Variants in COX7B2 observed in about 807,000 individuals in gnomAD.
The protein encoded by COX7B2 is cytochrome c oxidase subunit 7B2.
For synonymous variants in COX7B2, 37 were observed against 32.1 expected (o/e 1.15, Z -0.51); for missense variants, 109 against 95.9 (o/e 1.14, Z -0.57).
At chr4:46,759,819 T>TATAAGTCATATCTTATATAAGTTAC (rs1716028213) in intron 2 of COX7B2, among the ~76,000 whole-genome samples, 1 of 75,106 alleles carries the variant, frequency 1.3e-5, no homozygotes, top group African/African-American at 4.3e-5. Context: ...ATATAAGTTA[T>TATAAGTCATATCTTATATAAGTTAC]ATAAGTCATA....
At chr4:46,754,087 A>T (rs1715591464) in intron 2 of COX7B2, among the ~76,000 whole-genome samples, 1 of 152,128 alleles carries the variant, frequency 6.6e-6, no homozygotes, top group African/African-American at 2.4e-5. Context: ...GGATGTGGAG[A>T]AATAGGAACA....
At chr4:46,906,622 A>T (rs569696044) in intron 1 of COX7B2, among the ~76,000 whole-genome samples, 1 of 152,208 alleles carries the variant, frequency 6.6e-6, no homozygotes, top group African/African-American at 2.4e-5. Context: ...TTTTCTAAGC[A>T]TTAGTTTTTT....
chr4:46,871,462 T>C (rs1275400729), intron 1 of COX7B2, among the ~76,000 whole-genome samples: 5 of 152,160 alleles, frequency 3.3e-5, no homozygotes, highest in African/African-American at 1.2e-4. Context: ...CCAAAAGCTA[T>C]TGCCACAAAA....
At chr4:46,844,718 T>C (rs1054494873) in intron 2 of COX7B2, among the ~76,000 whole-genome samples, 1 of 152,070 alleles carries the variant, frequency 6.6e-6, no homozygotes, top group African/African-American at 2.4e-5. Flanking sequence ...AAGTAAAACA[T>C]TTACTGCTGA....
At chr4:46,806,695 G>C (rs1719016810) in intron 2 of COX7B2, among the ~76,000 whole-genome samples, 1 of 151,894 alleles carries the variant, frequency 6.6e-6, no homozygotes, top group South Asian at 2.1e-4. Flanking sequence ...TCCCACATTT[G>C]CTTCCACCTC....
intron 2 of COX7B2, among the ~76,000 whole-genome samples, chr4:46,756,487 G>T (rs1715808686): frequency 6.6e-6 from 1 of 151,922 alleles, no homozygotes; most frequent in East Asian, 1.9e-4. Context: ...TACAGCAAAA[G>T]AAACAAATAA....
Position 46,801,895 on chromosome 4 carries a change from GA to G in COX7B2, c.-50+43064del, listed in dbSNP as rs1291555174. On this transcript the variant is annotated intron_variant, in intron 2 of 2. Coordinates refer to ENST00000355591, the MANE Select transcript of COX7B2 (RefSeq NM_130902.3). The stretch of plus-strand genomic sequence containing the variant: ...TGAATTAAAATGGTAATAGTGGGGG[GA>G]AAAAAGAAGTTCTGAATGTATCCCT... 3.9e-5 allele frequency among the ~76,000 whole-genome samples: 6 copies of G among 152,114 alleles called. No homozygotes were observed. In the South Asian group the frequency reaches 6.2e-4, roughly 16 times the overall value.
intron 2 of COX7B2, among the ~76,000 whole-genome samples, chr4:46,807,343 T>A (rs1361997745): frequency 6.6e-6 from 1 of 151,962 alleles, no homozygotes; most frequent in Non-Finnish European, 1.5e-5. Context: ...CTTCTGACCA[T>A]GATTTAATTG....
chr4:46,789,956 T>C (rs918703250), intron 2 of COX7B2, among the ~76,000 whole-genome samples: 11 of 151,940 alleles, frequency 7.2e-5, no homozygotes, highest in African/African-American at 2.4e-5. Flanking sequence ...TGTGACTTAG[T>C]AACTGAAGGA....
intron 1 of COX7B2, among the ~76,000 whole-genome samples, chr4:46,876,294 G>A (rs965505511): frequency 6.6e-6 from 1 of 151,922 alleles, no homozygotes; most frequent in Non-Finnish European, 1.5e-5. Flanking sequence ...TAAAACTGTA[G>A]GTTAAATATA....
In COX7B2 at chr4:46,743,020, T is replaced by C. The variant is rs1714807590; in HGVS notation, c.-49-7779A>G. On this transcript the variant is annotated intron_variant, in intron 2 of 2. Coordinates refer to ENST00000355591, the MANE Select transcript of COX7B2 (RefSeq NM_130902.3). The stretch of plus-strand genomic sequence containing the variant: ...TCTTTAATCATAAGGTCCTTCCAAC[T>C]ATACTCACTCTTTTTCCTTTCTGAT... Among the ~76,000 whole-genome samples the C allele has an allele frequency of 1.3e-5, 2 of 152,184 alleles. 1 individual carries two copies. Among genetic ancestry groups the C allele is most frequent in the South Asian group, 4.1e-4 (2 of 4,828 alleles).
chr4:46,778,495 C>T (rs1048485687), intron 2 of COX7B2, among the ~76,000 whole-genome samples: 14 of 151,966 alleles, frequency 9.2e-5, no homozygotes, highest in East Asian at 1.9e-4. Flanking sequence ...ACCAGTCAAC[C>T]AAGATGTTCA....
intron 2 of COX7B2, among the ~76,000 whole-genome samples, chr4:46,823,704 AT>A (rs1714466450): frequency 6.6e-6 from 1 of 151,970 alleles, no homozygotes; most frequent in African/African-American, 2.4e-5. Flanking sequence ...ATTGAAAAAA[AT>A]GGTAGCAAAC....
chr4:46,762,165 C>A (rs1472961575), intron 2 of COX7B2, among the ~76,000 whole-genome samples: 2 of 81,104 alleles, frequency 2.5e-5, no homozygotes, highest in Admixed American at 3.1e-4. Flanking sequence ...CTATTGTAGT[C>A]TAAACAGAAA....
At chr4:46,798,585 A>G (rs948174342) in intron 2 of COX7B2, among the ~76,000 whole-genome samples, 4 of 152,192 alleles carry the variant, frequency 2.6e-5, no homozygotes, top group Non-Finnish European at 5.9e-5. Context: ...CCCTGCCATG[A>G]TCTGCAGAAA....
intron 2 of COX7B2, among the ~76,000 whole-genome samples, chr4:46,800,297 G>A (rs1399497620): frequency 6.6e-6 from 1 of 152,096 alleles, no homozygotes. Flanking sequence ...CCAAAAATGA[G>A]TCAGAACAGC....
chr4:46,832,424 G>A (rs1459651999), intron 2 of COX7B2, among the ~76,000 whole-genome samples: 1 of 152,072 alleles, frequency 6.6e-6, no homozygotes, highest in African/African-American at 2.4e-5. Flanking sequence ...AGACACAAAA[G>A]CACACATAAT....
At chr4:46,814,921 C>G (rs911372003) in intron 2 of COX7B2, among the ~76,000 whole-genome samples, 1 of 152,076 alleles carries the variant, frequency 6.6e-6, no homozygotes, top group African/African-American at 2.4e-5. Context: ...CACGTTGGCT[C>G]ATGCCTGTAA....
chr4:46,858,699 CGT>C (rs142998729), intron 1 of COX7B2, among the ~76,000 whole-genome samples: 2 of 151,226 alleles, frequency 1.3e-5, no homozygotes, highest in Non-Finnish European at 3.0e-5. Flanking sequence ...ATGAATGCTG[CGT>C]GTGTGTGTGT....
Sources: gnomAD v4.1 joint callset for allele counts (sites outside exome capture counted in the v4.1 genomes callset) on GRCh38, gnomAD v4.1.1 for gene constraint, MANE v1.5 for transcripts, NCBI Gene and HGNC (gene_info 2026-07-23, HGNC 2026-07-21) for gene names.